The following KLC2 variants were observed in gnomAD, a reference collection of about 807,000 sequenced individuals.
KLC2 encodes KLC 2.
In KLC2, 35 loss-of-function variants were observed where a neutral mutation model predicts 75.1. That is an observed-to-expected ratio of 0.47 (90% CI 0.36 to 0.62). The LOEUF is 0.62. Ranked by LOEUF, KLC2 falls within the 20% of genes least tolerant of loss-of-function variation. KLC2 has a pLI of 0.00. For synonymous variants in KLC2, 314 were observed against 336.7 expected (o/e 0.93, Z 0.74); for missense variants, 611 against 833.2 (o/e 0.73, Z 3.28).
chr11:66,250,860 C>G, the KLC2 span, among the ~76,000 whole-genome samples: 2 of 152,148 alleles, frequency 1.3e-5, no homozygotes, highest in African/African-American at 4.8e-5. Flanking sequence ...CCAGTGGGAG[C>G]GGAGGAAGAG....
intron 2 of KLC2, among the ~76,000 whole-genome samples, chr11:66,259,402 C>A (rs533193676): frequency 6.6e-6 from 1 of 152,312 alleles, no homozygotes; most frequent in South Asian, 2.1e-4. Flanking sequence ...AATGAACCAG[C>A]CTCCAGGAAA....
At chr11:66,251,959 A>C in the KLC2 span, among the ~76,000 whole-genome samples, 1 of 152,114 alleles carries the variant, frequency 6.6e-6, no homozygotes, top group Non-Finnish European at 1.5e-5. Context: ...ACCGTGTGGG[A>C]GAGCTGACGC....
In KLC2 at chr11:66,261,921, C is replaced by G; in HGVS notation, c.408C>G (p.His136Gln). ...AVAQLEEEKQ[H>Q]LLFMSQIRKL... ...CCCAGCTCGAGGAGGAGAAGCAGCA[C>G]TTGCTGTTCATGAGCCAGATCCGCA... The change falls in exon 3 of 16, where the codon CAC becomes CAG. Residue 136 changes from histidine to glutamine, a missense_variant. Transcript: ENST00000394067. 1 of 1,614,210 alleles carries G rather than the reference C, an allele frequency of 6.2e-7. No individual in the cohort carries two copies.
At chr11:66,252,967 A>G (rs1234023618), upstream of KLC2, among the ~76,000 whole-genome samples, 1 of 148,266 alleles carries the variant, frequency 6.7e-6, no homozygotes, top group Non-Finnish European at 1.5e-5. Flanking sequence ...GTCTTTAAGG[A>G]GCCTCCCATC....
chr11:66,264,003 G>A lies in KLC2; in HGVS notation c.943-43G>A, dbSNP rs201147600. ...CTGGGGGTCTGGGAGGCAGGGGCCCGGGCAGCCCTGAGCCCAACCCCTGGC... is the reference window on the plus strand; with the variant it reads ...CTGGGGGTCTGGGAGGCAGGGGCCCAGGCAGCCCTGAGCCCAACCCCTGGC... On this transcript the variant is annotated intron_variant, in intron 7 of 15. Coordinates refer to ENST00000394067, the MANE Select transcript of KLC2 (RefSeq NM_001318734.2). 79 of 1,611,112 alleles carry A rather than the reference G, an allele frequency of 4.9e-5. No homozygotes were observed. The East Asian group carries it at 1.0e-3, about 20-fold the overall frequency.
chr11:66,260,721 T>C (rs371289048), intron 2 of KLC2, among the ~76,000 whole-genome samples: 1 of 152,042 alleles, frequency 6.6e-6, no homozygotes, highest in East Asian at 1.9e-4. Context: ...CTCAGCCTCC[T>C]GAGTAGCTGG....
intron 15 of KLC2, 122 bp from the exon 16 acceptor site, chr11:66,266,751 T>G: frequency 9.6e-7 from 1 of 1,040,470 alleles, no homozygotes; most frequent in Non-Finnish European, 1.5e-6. Flanking sequence ...GGGTCAGAAC[T>G]GCCATTGCCT....
upstream of KLC2, among the ~76,000 whole-genome samples, chr11:66,255,599 C>T (rs1001205236): frequency 6.6e-6 from 1 of 152,104 alleles, no homozygotes; most frequent in African/African-American, 2.4e-5. Context: ...AATTGACCAG[C>T]TGAAATGGAC....
rs908467082 is a variant in KLC2, at chr11:66,264,530, G to T, written c.1216+86G>T. 14 of 1,014,396 alleles carry T rather than the reference G, an allele frequency of 1.4e-5. No individual in the cohort carries two copies. The African/African-American group carries it at 1.4e-4, about 10-fold the overall frequency. 62.8% of individuals were successfully genotyped at this position (1,014,396 alleles called of 1,614,324 possible). A position where few individuals can be genotyped will look rare whatever the true frequency, so the allele number is the denominator to read the frequency against. ...CACCCAGGACAAATCCCTCAGCAGG[G>T]CAGGCCCTCAGGCTTTGGCCTGGCT... On this transcript the variant is annotated intron_variant, in intron 9 of 15. Coordinates refer to ENST00000394067, the MANE Select transcript of KLC2 (RefSeq NM_001318734.2).
Position 66,263,964 on chromosome 11 carries a change from C to G in KLC2, c.942+12C>G, listed in dbSNP as rs1371285238. ...AGATCCGGGAGAAGGTGGGAACAGG[C>G]AGGGCTGGGCAGGCTGGGGGTCTGG... On this transcript the variant is annotated intron_variant, in intron 7 of 15. Transcript: ENST00000394067. The G allele has an allele frequency of 1.9e-6, 3 of 1,613,328 alleles. No individual in the cohort carries two copies. The African/African-American group carries it at 4.0e-5, about 22-fold the overall frequency.
chr11:66,253,688 A>G (rs147132745), upstream of KLC2, among the ~76,000 whole-genome samples: 118 of 152,370 alleles, frequency 7.7e-4, no homozygotes, highest in Admixed American at 2.2e-3. Context: ...CACACAGTGC[A>G]ATCCTCAGAG....
chr11:66,255,690 G>C (rs78907441), upstream of KLC2, among the ~76,000 whole-genome samples: 1,456 of 152,046 alleles, frequency 9.6e-3, 8 homozygotes, highest in Non-Finnish European at 0.016. Flanking sequence ...TTCCGGAGAG[G>C]GGGGCTGGAT....
At position 66,267,643 on chromosome 11, in the gene KLC2, G is replaced by A. The variant is rs1856936195; in HGVS notation, c.*687G>A. On this transcript the variant is annotated 3_prime_UTR_variant, in exon 16 of 16. Coordinates refer to ENST00000394067, the MANE Select transcript of KLC2 (RefSeq NM_001318734.2). Reference sequence around the variant, plus strand: ...GCCCTGCCCCGCATCCCGGCCTTATGCACTGCCCCTCCCACCCGGCCCCGC... The same window carrying A: ...GCCCTGCCCCGCATCCCGGCCTTATACACTGCCCCTCCCACCCGGCCCCGC... 2 of 577,364 alleles carry A rather than the reference G, an allele frequency of 3.5e-6. No homozygotes were observed. The highest frequency in any genetic ancestry group is 2.9e-5 in the East Asian group (1 of 34,134). The allele number at this position is 577,364 out of a possible 1,614,324, so 35.8% of individuals were successfully genotyped here.
At chr11:66,252,242 G>A in the KLC2 span, among the ~76,000 whole-genome samples, 1 of 152,212 alleles carries the variant, frequency 6.6e-6, no homozygotes. Flanking sequence ...AATAGTGTCT[G>A]TTATGTACAA....
intron 4 of KLC2, chr11:66,262,451 A>G: frequency 1.8e-6 from 1 of 564,530 alleles, no homozygotes; most frequent in African/African-American, 1.9e-5. Flanking sequence ...GACCCTTGGG[A>G]GAGTTCTCTT....
intron 14 of KLC2, 49 bp downstream of exon 14, chr11:66,266,266 A>G: frequency 1.3e-6 from 2 of 1,562,914 alleles, no homozygotes; most frequent in Non-Finnish European, 1.7e-6. Flanking sequence ...GCAACCCCGG[A>G]TGAGCTCCTG....
chr11:66,267,139 C>T lies in KLC2; in HGVS notation c.*183C>T, dbSNP rs1167374093. On this transcript the variant is annotated 3_prime_UTR_variant, in exon 16 of 16. Coordinates refer to ENST00000394067, the MANE Select transcript of KLC2 (RefSeq NM_001318734.2). ...GAGCCCTGGAGGCTGGGCCTGCCCA[C>T]TCCAGCTCCATCCCTTATTTATTCC... The T allele has an allele frequency of 1.3e-6, 2 of 1,538,130 alleles. No individual in the cohort carries two copies. The highest frequency in any genetic ancestry group is 2.5e-5 in the East Asian group (1 of 40,798).
chr11:66,253,265 G>A (rs537812427), upstream of KLC2, among the ~76,000 whole-genome samples: 2 of 152,212 alleles, frequency 1.3e-5, no homozygotes, highest in East Asian at 1.9e-4. Flanking sequence ...CACTGTGCCC[G>A]GCCATATCTG....
At chr11:66,254,653 AC>A (rs1855988838), upstream of KLC2, among the ~76,000 whole-genome samples, 1 of 111,918 alleles carries the variant, frequency 8.9e-6, no homozygotes, top group Non-Finnish European at 1.8e-5. Flanking sequence ...TGACAGTGGG[AC>A]CTCGGCTCTT....
Sources: gnomAD v4.1 joint callset for allele counts (sites outside exome capture counted in the v4.1 genomes callset) on GRCh38, gnomAD v4.1.1 for gene constraint, MANE v1.5 for transcripts, NCBI Gene and HGNC (gene_info 2026-07-23, HGNC 2026-07-21) for gene names.